ZNF737: variants seen among roughly 807,000 people sequenced by gnomAD.
ZNF737 encodes zinc finger protein 737.
ZNF737 carries 13 observed loss-of-function variants against 11.7 expected under a neutral mutation model. That is an observed-to-expected ratio of 1.11 (90% CI 0.73 to 1.77). The LOEUF (loss-of-function observed/expected upper bound fraction) is 1.77, where lower values mean the gene tolerates loss of function less well. ZNF737 is among the 40% of genes most tolerant of loss of function. ZNF737 has a pLI of 0.00. For synonymous variants in ZNF737, 217 were observed against 216.2 expected, an observed-to-expected ratio of 1.00 and a Z score of -0.03; for missense variants, 636 against 638.0, an observed-to-expected ratio of 1.00 and a Z score of 0.03.
At chr19:20,565,065 G>A (rs67205471) in intron 1 of ZNF737, among the ~76,000 whole-genome samples, 17,631 of 151,326 alleles carry the variant, frequency 0.12, 1,143 homozygotes, top group Middle Eastern at 0.18. Context: ...CTCCCGAGAA[G>A]CTGTGATTAC....
At chr19:20,553,950 T>A in intron 1 of ZNF737, 115 bp from the exon 2 acceptor site, 1 of 1,226,032 alleles carries the variant, frequency 8.2e-7, no homozygotes. Context: ...TAGGACTGAC[T>A]AAAATTATCC....
At chr19:20,561,332 C>G (rs1445619591) in intron 1 of ZNF737, among the ~76,000 whole-genome samples, 2 of 152,018 alleles carry the variant, frequency 1.3e-5, no homozygotes, top group South Asian at 2.1e-4. Context: ...TCAAAAACGC[C>G]GTGGTGAAGG....
In ZNF737 at chr19:20,545,127, T is replaced by C. The variant is rs1968391538; in HGVS notation, c.1076A>G (p.His359Arg). Residue 359 changes from histidine (H) to arginine (R), a missense_variant, in exon 4 of 4, where the codon CAC becomes CGC. Coordinates refer to ENST00000427401, the MANE Select transcript of ZNF737 (RefSeq NM_001159293.2). The part of the protein sequence containing the change: ...AFKYFSSLTT[H>R]KIIHSGEKPY... ...TTTCTCTCCACTATGAATTATCTTG[T>C]GTGTAGTAAGGGATGAGAAGTACTT... 1.2e-6 allele frequency: 2 copies of C among 1,611,592 alleles called. No homozygotes were observed. Among genetic ancestry groups the C allele is most frequent in the Non-Finnish European group, 1.7e-6 (2 of 1,178,648 alleles).
chr19:20,551,854 T>C (rs1259237092), intron 3 of ZNF737, among the ~76,000 whole-genome samples: 2 of 150,992 alleles, frequency 1.3e-5, no homozygotes, highest in African/African-American at 2.4e-5. Flanking sequence ...AAGTGATCTA[T>C]AGATTGCATA....
Position 20,541,484 on chromosome 19 carries a change from T to C in ZNF737, c.*3108A>G, listed in dbSNP as rs1968204791. 1.2e-6 allele frequency: 1 copy of C among 835,240 alleles called. No homozygotes were observed. The highest frequency in any genetic ancestry group is 1.4e-6 in the Non-Finnish European group (1 of 693,466). The allele number at this position is 835,240 out of a possible 1,614,324, so 51.7% of individuals were successfully genotyped here. A position where few individuals can be genotyped will look rare whatever the true frequency, so the allele number is the denominator to read the frequency against. On this transcript the variant is annotated 3_prime_UTR_variant, in exon 4 of 4. Transcript: ENST00000427401. ...TTTTTTGAGATGGAGACTCACTCTG[T>C]CAGCCAGGCTGGAGTGCAGTGGCAT...
intron 3 of ZNF737, 135 bp downstream of exon 3, chr19:20,552,340 A>G: frequency 1.9e-6 from 1 of 516,342 alleles, no homozygotes. Flanking sequence ...AAGAAAAAAA[A>G]AAAAAAAACA....
downstream of ZNF737, among the ~76,000 whole-genome samples, chr19:20,533,706 G>T (rs1445079343): frequency 6.7e-6 from 1 of 150,034 alleles, no homozygotes; most frequent in African/African-American, 2.5e-5. Context: ...GAGCAAATAA[G>T]GCCCTGCATT....
rs1457306575 is a variant in ZNF737 at position 20,545,947 on chromosome 19, A to G, written c.256T>C (p.Trp86Arg). The G allele has an allele frequency of 1.3e-6, 2 of 1,558,506 alleles. No individual in the cohort carries two copies. Among genetic ancestry groups the G allele is most frequent in the African/African-American group, 2.8e-5 (2 of 72,320 alleles). ...VTCSHFARDL[W>R]PEQSIKDSFQ... ...GAATCTTTTATGCTCTGCTCTGGCC[A>G]AAGATCTCGGGCAAAATGAGAACAC... Residue 86 changes from tryptophan (W) to arginine (R), a missense_variant, in exon 4 of 4, where the codon TGG (tryptophan) becomes CGG (arginine). By Grantham distance (101) the Trp-to-Arg change is moderately radical (BLOSUM62 -3). Transcript: ENST00000427401.
downstream of ZNF737, among the ~76,000 whole-genome samples, chr19:20,533,952 A>T (rs182848877): frequency 6.7e-6 from 1 of 150,162 alleles, no homozygotes; most frequent in African/African-American, 2.5e-5. Flanking sequence ...TGCTAAACTA[A>T]TGGGCTCATC....
chr19:20,557,496 A>AG (rs1421023004), intron 1 of ZNF737, among the ~76,000 whole-genome samples: 3 of 151,938 alleles, frequency 2.0e-5, no homozygotes, highest in African/African-American at 7.2e-5. Context: ...TAAAAAAAAA[A>AG]AAAAAGAAAA....
intron 3 of ZNF737, among the ~76,000 whole-genome samples, chr19:20,546,617 T>C (rs992745195): frequency 6.6e-6 from 1 of 152,194 alleles, no homozygotes; most frequent in Non-Finnish European, 1.5e-5. Context: ...AAAAATACTA[T>C]GTGCTGTAGC....
At chr19:20,548,595 A>G (rs1330311158) in intron 3 of ZNF737, among the ~76,000 whole-genome samples, 2 of 152,128 alleles carry the variant, frequency 1.3e-5, no homozygotes, top group Non-Finnish European at 2.9e-5. Flanking sequence ...CAATGTGAAT[A>G]TACTTAACAT....
chr19:20,539,283 C>A lies in ZNF737; in HGVS notation c.*5309G>T. The A allele has an allele frequency of 2.1e-6, 2 of 952,836 alleles. No individual in the cohort carries two copies. Among genetic ancestry groups the A allele is most frequent in the South Asian group, 9.7e-5 (2 of 20,538 alleles). 59.0% of individuals were successfully genotyped at this position (952,836 alleles called of 1,614,324 possible). On this transcript the variant is annotated 3_prime_UTR_variant, in exon 4 of 4. Coordinates refer to ENST00000427401, the MANE Select transcript of ZNF737 (RefSeq NM_001159293.2). The stretch of plus-strand genomic sequence containing the variant: ...GCAGCGTGAGTGACAGAGTGAGAAT[C>A]CTTCTAAAAAAAAAAAAAAGAAATT...
Position 20,544,265 on chromosome 19 carries a change from G to T in ZNF737, c.*327C>A. ...GTTGTCACATTCTTTATATTTGTAG[G>T]GTTTATGTTCCATATAAATTCTCAT... On this transcript the variant is annotated 3_prime_UTR_variant, in exon 4 of 4. Coordinates refer to ENST00000427401, the MANE Select transcript of ZNF737 (RefSeq NM_001159293.2). The T allele has an allele frequency of 9.0e-7, 1 of 1,114,798 alleles. No individual in the cohort carries two copies. The allele number at this position is 1,114,798 out of a possible 1,614,324, so 69.1% of individuals were successfully genotyped here. A position where few individuals can be genotyped will look rare whatever the true frequency, so the allele number is the denominator to read the frequency against.
intron 3 of ZNF737, among the ~76,000 whole-genome samples, chr19:20,552,092 C>G (rs903152560): frequency 6.6e-6 from 1 of 151,706 alleles, no homozygotes; most frequent in Non-Finnish European, 1.5e-5. Context: ...ACAGAAACTA[C>G]TACTCTCACA....
At chr19:20,531,910 C>T (rs1183628178), downstream of ZNF737, among the ~76,000 whole-genome samples, 1 of 150,216 alleles carries the variant, frequency 6.7e-6, no homozygotes, top group African/African-American at 2.5e-5. Context: ...AACATGTTCC[C>T]CAAAAGACAT....
At chr19:20,531,248 C>CGAGAGAG (rs1967819544), downstream of ZNF737, among the ~76,000 whole-genome samples, 1 of 77,058 alleles carries the variant, frequency 1.3e-5, no homozygotes, top group Non-Finnish European at 2.4e-5. Flanking sequence ...AGAGGGGAGA[C>CGAGAGAG]GGGAGAGGGG....
At position 20,541,929 on chromosome 19, in the gene ZNF737, T is replaced by C. The variant is rs904107168; in HGVS notation, c.*2663A>G. On this transcript the variant is annotated 3_prime_UTR_variant, in exon 4 of 4. Coordinates refer to ENST00000427401, the MANE Select transcript of ZNF737 (RefSeq NM_001159293.2). ...TGTAGGCCTGAGTCAAAAGATGCCATATAAGGCATAAATATATACACATAT... is the reference window on the plus strand; with the variant it reads ...TGTAGGCCTGAGTCAAAAGATGCCACATAAGGCATAAATATATACACATAT... The C allele has an allele frequency of 1.3e-6, 1 of 766,530 alleles. No individual in the cohort carries two copies. The highest frequency in any genetic ancestry group is 1.9e-5 in the African/African-American group (1 of 52,560). The allele number at this position is 766,530 out of a possible 1,614,324, so 47.5% of individuals were successfully genotyped here.
Position 20,538,871 on chromosome 19 carries a change from G to A in ZNF737, c.*5721C>T, listed in dbSNP as rs187734708. The A allele has an allele frequency of 3.1e-4, 310 of 985,110 alleles. No individual in the cohort carries two copies. In the African/African-American group the frequency reaches 4.3e-3, roughly 14 times the overall value. 61.0% of individuals were successfully genotyped at this position (985,110 alleles called of 1,614,324 possible). ...TGTTACCCATTAATTTTATACATTT[G>A]CTTTTTTGAAAAACAAATCTTTTGT... On this transcript the variant is annotated 3_prime_UTR_variant, in exon 4 of 4. Coordinates refer to ENST00000427401, the MANE Select transcript of ZNF737 (RefSeq NM_001159293.2).
Sources: gnomAD v4.1 joint callset for allele counts (sites outside exome capture counted in the v4.1 genomes callset) on GRCh38, gnomAD v4.1.1 for gene constraint, MANE v1.5 for transcripts, NCBI Gene and HGNC (gene_info 2026-07-23, HGNC 2026-07-21) for gene names.